The following DENND1B variants were observed in gnomAD, a reference collection of about 807,000 sequenced individuals.
DENND1B encodes the protein DENN domain containing 1B.
In DENND1B, 59 loss-of-function variants were observed where a neutral mutation model predicts 90.1. The ratio of observed to expected loss-of-function variants is 0.65; its 90% confidence interval spans 0.53 to 0.81. The LOEUF (loss-of-function observed/expected upper bound fraction) is 0.81. DENND1B is among the 40% of genes least tolerant of loss of function. DENND1B has a pLI of 0.00. For missense variants in DENND1B, 862 were observed against 912.6 expected (o/e 0.94, Z 0.71); for synonymous variants, 337 against 324.6 (o/e 1.04, Z -0.41).
intron 14 of DENND1B, among the ~76,000 whole-genome samples, chr1:197,590,568 A>T (rs539230534): frequency 5.1e-4 from 78 of 152,296 alleles, no homozygotes; most frequent in African/African-American, 1.8e-3. Context: ...ATGCCAAGGT[A>T]ACATTTAGAG....
intron 3 of DENND1B, among the ~76,000 whole-genome samples, chr1:197,697,234 T>G (rs771135318): frequency 6.6e-5 from 10 of 151,710 alleles, no homozygotes; most frequent in Non-Finnish European, 1.3e-4. Flanking sequence ...TGAACTATCA[T>G]GTCACTGATA....
chr1:197,516,053 C>T (rs1668375056), intron 20 of DENND1B, among the ~76,000 whole-genome samples: 3 of 151,772 alleles, frequency 2.0e-5, no homozygotes, highest in African/African-American at 7.3e-5. Flanking sequence ...GATACATTTA[C>T]ATTTTAGTTT....
At chr1:197,762,262 T>C (rs1440506272) in intron 2 of DENND1B, among the ~76,000 whole-genome samples, 1 of 151,950 alleles carries the variant, frequency 6.6e-6, no homozygotes, top group African/African-American at 2.4e-5. Context: ...AAAGGCTTAT[T>C]AGTCAGCATT....
chr1:197,616,402 T>C (rs1019519507), intron 11 of DENND1B, among the ~76,000 whole-genome samples: 3 of 151,070 alleles, frequency 2.0e-5, no homozygotes, highest in Admixed American at 6.6e-5. Flanking sequence ...CTTAGACTTG[T>C]GTGTGTGACA....
chr1:197,562,224 A>G (rs984877862), intron 15 of DENND1B, among the ~76,000 whole-genome samples: 5 of 152,008 alleles, frequency 3.3e-5, no homozygotes, highest in Non-Finnish European at 7.4e-5. Flanking sequence ...TCATTCTCTG[A>G]TGTACCCCAC....
intron 2 of DENND1B, among the ~76,000 whole-genome samples, chr1:197,768,463 G>C (rs1363088322): frequency 6.6e-6 from 1 of 152,092 alleles, no homozygotes; most frequent in Non-Finnish European, 1.5e-5. Flanking sequence ...GGACAGTATG[G>C]TAACAATGAC....
intron 2 of DENND1B, among the ~76,000 whole-genome samples, chr1:197,740,672 T>A (rs1663130564): frequency 6.6e-6 from 1 of 152,206 alleles, no homozygotes; most frequent in African/African-American, 2.4e-5. Context: ...TTGGATAGTC[T>A]ATAGCTTTTG....
At chr1:197,612,011 T>C (rs754384655) in intron 11 of DENND1B, 35 bp from the exon 12 acceptor site, 2 of 1,525,442 alleles carry the variant, frequency 1.3e-6, no homozygotes, top group East Asian at 2.3e-5. Flanking sequence ...TAGATTCATA[T>C]AGTTCATTAA....
At chr1:197,579,511 T>G (rs1184871217) in intron 15 of DENND1B, among the ~76,000 whole-genome samples, 1 of 151,826 alleles carries the variant, frequency 6.6e-6, no homozygotes, top group African/African-American at 2.4e-5. Flanking sequence ...CATAGATTCT[T>G]TCTTCTTTAT....
intron 2 of DENND1B, chr1:197,735,800 C>T (rs1176886358): frequency 6.2e-7 from 1 of 1,610,514 alleles, no homozygotes; most frequent in African/African-American, 1.3e-5. Context: ...CTGTCCTCTA[C>T]AGAAAGAAGC....
At chr1:197,743,550 G>A (rs1270697102) in intron 2 of DENND1B, among the ~76,000 whole-genome samples, 1 of 152,196 alleles carries the variant, frequency 6.6e-6, no homozygotes, top group Non-Finnish European at 1.5e-5. Flanking sequence ...TGAAGGCTAG[G>A]ATGGCTGTGG....
chr1:197,657,023 G>A (rs1653902568), intron 6 of DENND1B, among the ~76,000 whole-genome samples: 1 of 152,038 alleles, frequency 6.6e-6, no homozygotes, highest in African/African-American at 2.4e-5. Flanking sequence ...TCTTGGATAT[G>A]ACACCAAAAG....
chr1:197,578,396 C>T (rs1407689887), intron 15 of DENND1B, among the ~76,000 whole-genome samples: 2 of 152,180 alleles, frequency 1.3e-5, no homozygotes, highest in African/African-American at 2.4e-5. Context: ...AGGCGTGTGA[C>T]ACCTTGCCTG....
intron 11 of DENND1B, 65 bp from the exon 12 acceptor site, chr1:197,612,041 G>T: frequency 7.8e-7 from 1 of 1,278,768 alleles, no homozygotes. Flanking sequence ...AACAGTATAA[G>T]TAATTCAAAA....
intron 3 of DENND1B, among the ~76,000 whole-genome samples, chr1:197,700,035 C>T (rs772757008): frequency 7.9e-5 from 12 of 152,088 alleles, no homozygotes; most frequent in Non-Finnish European, 1.3e-4. Context: ...GCCATACTGT[C>T]CAAAGTAATT....
chr1:197,593,027 A>C (rs1057071845), intron 14 of DENND1B, among the ~76,000 whole-genome samples: 1 of 152,086 alleles, frequency 6.6e-6, no homozygotes, highest in Admixed American at 6.6e-5. Flanking sequence ...TATTTGATTG[A>C]TATAAAATAT....
At chr1:197,686,607 A>C (rs912736868) in intron 3 of DENND1B, among the ~76,000 whole-genome samples, 1 of 152,322 alleles carries the variant, frequency 6.6e-6, no homozygotes, top group Admixed American at 6.5e-5. Context: ...TAAGAAATGT[A>C]CTATGTATGA....
chr1:197,676,443 C>A (rs1417460092), intron 3 of DENND1B, among the ~76,000 whole-genome samples: 1 of 152,060 alleles, frequency 6.6e-6, no homozygotes. Flanking sequence ...CACACACACA[C>A]ACGCACACAC....
chr1:197,690,664 T>A, intron 3 of DENND1B: 1 of 192,892 alleles, frequency 5.2e-6, no homozygotes, highest in African/African-American at 2.3e-5. Flanking sequence ...GCACCCTAGT[T>A]TTATTCAGTG....
Sources: allele counts gnomAD v4.1 joint callset (sites outside exome capture counted in the v4.1 genomes callset), GRCh38; gene constraint gnomAD v4.1.1; transcripts MANE v1.5; gene names NCBI Gene and HGNC (gene_info 2026-07-23, HGNC 2026-07-21).